The following RABGAP1L variants were observed in gnomAD, a reference collection of about 807,000 sequenced individuals.
RABGAP1L encodes the protein rab GTPase-activating protein 1-like.
RABGAP1L carries 63 observed loss-of-function variants against 137.7 expected under a neutral mutation model. That is an observed-to-expected ratio of 0.46 (90% CI 0.37 to 0.56). The LOEUF (loss-of-function observed/expected upper bound fraction) is 0.56. RABGAP1L is among the 20% of genes least tolerant of loss of function. RABGAP1L has a pLI of 0.00. For synonymous variants in RABGAP1L, 431 were observed against 433.7 expected (o/e 0.99, Z 0.08); for missense variants, 1,095 against 1,244.0 (o/e 0.88, Z 1.80).
chr1:174,699,458 G>A, intron 15 of RABGAP1L, 67 bp from the exon 16 acceptor site: 2 of 1,479,026 alleles, frequency 1.4e-6, no homozygotes, highest in Non-Finnish European at 1.8e-6. Flanking sequence ...ATAACATGAA[G>A]GAACTTTTTT....
chr1:174,227,199 C>CTTT (rs71117559), intron 3 of RABGAP1L, among the ~76,000 whole-genome samples: 1 of 133,810 alleles, frequency 7.5e-6, no homozygotes, highest in African/African-American at 2.7e-5. Context: ...TGACCATTTA[C>CTTT]TTTTTTTTTT....
chr1:174,600,722 C>T (rs1670341621), intron 13 of RABGAP1L, among the ~76,000 whole-genome samples: 1 of 152,222 alleles, frequency 6.6e-6, no homozygotes, highest in African/African-American at 2.4e-5. Context: ...ACCCCTGTGG[C>T]TTTGCAGAGT....
intron 21 of RABGAP1L, among the ~76,000 whole-genome samples, chr1:174,973,889 G>A (rs1307269406): frequency 6.6e-6 from 1 of 151,898 alleles, no homozygotes; most frequent in Non-Finnish European, 1.5e-5. Flanking sequence ...AAACATTCTG[G>A]GGTAGAACTT....
At chr1:174,615,492 G>T (rs139155942) in intron 13 of RABGAP1L, among the ~76,000 whole-genome samples, 509 of 152,292 alleles carry the variant, frequency 3.3e-3, no homozygotes, top group Admixed American at 7.8e-3. Context: ...CCTACTTGGG[G>T]GTGCCTCCCA....
chr1:174,219,424 C>G, intron 2 of RABGAP1L, 129 bp downstream of exon 2: 1 of 622,782 alleles, frequency 1.6e-6, no homozygotes, highest in African/African-American at 1.9e-5. Flanking sequence ...TTGATTTATC[C>G]AGACCCTAAT....
intron 12 of RABGAP1L, among the ~76,000 whole-genome samples, chr1:174,378,038 TG>T (rs1388600624): frequency 2.8e-5 from 4 of 143,778 alleles, no homozygotes; most frequent in African/African-American, 8.1e-5. Context: ...ATGCGGTGTT[TG>T]GTTTTTTGTT....
intron 18 of RABGAP1L, among the ~76,000 whole-genome samples, chr1:174,773,163 G>GGTGTGTGTGTGTGTGTGTGTGTGTGTGT (rs9286899): frequency 1.3e-4 from 20 of 149,548 alleles, no homozygotes; most frequent in Non-Finnish European, 2.5e-4. Flanking sequence ...TAAGCTATGG[G>GGTGTGTGTGTGTGTGTGTGTGTGTGTGT]GTGTGTGTGT....
chr1:174,975,084 A>G (rs931390889), intron 21 of RABGAP1L, among the ~76,000 whole-genome samples: 5 of 152,254 alleles, frequency 3.3e-5, no homozygotes, highest in Non-Finnish European at 7.3e-5. Context: ...TGCATCTGCA[A>G]TGATTTAGCC....
intron 13 of RABGAP1L, among the ~76,000 whole-genome samples, chr1:174,451,319 A>G (rs1228522008): frequency 1.3e-5 from 2 of 152,234 alleles, no homozygotes; most frequent in African/African-American, 2.4e-5. Context: ...AGGTATAAAT[A>G]TAGTTAGAAA....
intron 1 of RABGAP1L, among the ~76,000 whole-genome samples, chr1:174,169,882 C>G (rs1039886312): frequency 1.1e-4 from 16 of 152,132 alleles, no homozygotes; most frequent in African/African-American, 3.6e-4. Context: ...GGGAGTCTCC[C>G]TATGTTGCCC....
At chr1:174,764,107 C>T (rs188596068) in intron 18 of RABGAP1L, among the ~76,000 whole-genome samples, 15 of 152,208 alleles carry the variant, frequency 9.9e-5, no homozygotes, top group Admixed American at 9.2e-4. Flanking sequence ...ATAATGTTTT[C>T]AACGTTTATC....
chr1:174,672,994 A>C (rs1430411227), intron 14 of RABGAP1L, among the ~76,000 whole-genome samples: 3 of 152,146 alleles, frequency 2.0e-5, no homozygotes, highest in Non-Finnish European at 4.4e-5. Flanking sequence ...ATAGGATTCG[A>C]ACTTTTCCAT....
At chr1:174,635,205 G>C (rs556474737) in intron 13 of RABGAP1L, among the ~76,000 whole-genome samples, 1 of 152,168 alleles carries the variant, frequency 6.6e-6, no homozygotes, top group African/African-American at 2.4e-5. Flanking sequence ...TGCATAATCA[G>C]TTCCTAGGGA....
chr1:174,972,808 C>T (rs985245895), intron 21 of RABGAP1L, among the ~76,000 whole-genome samples: 1 of 135,874 alleles, frequency 7.4e-6, no homozygotes. Context: ...GAGCCAAGAT[C>T]GCACCATTGT....
chr1:174,545,711 C>G (rs1015529602), intron 13 of RABGAP1L: 2 of 152,692 alleles, frequency 1.3e-5, no homozygotes, highest in African/African-American at 4.8e-5. Context: ...TTTTGGCCAT[C>G]TTGGAACCTC....
At chr1:174,345,857 TCA>T (rs1682380184) in intron 11 of RABGAP1L, among the ~76,000 whole-genome samples, 1 of 152,208 alleles carries the variant, frequency 6.6e-6, no homozygotes, top group Non-Finnish European at 1.5e-5. Context: ...TTTCACCCAT[TCA>T]CAGTGATACT....
intron 13 of RABGAP1L, among the ~76,000 whole-genome samples, chr1:174,597,638 C>T (rs1194164862): frequency 1.3e-5 from 2 of 151,578 alleles, no homozygotes; most frequent in African/African-American, 2.4e-5. Context: ...ATTTTGTTTT[C>T]AAAAAACTTT....
At chr1:174,282,953 A>G (rs187293942) in intron 10 of RABGAP1L, among the ~76,000 whole-genome samples, 1 of 152,324 alleles carries the variant, frequency 6.6e-6, no homozygotes, top group East Asian at 1.9e-4. Context: ...ATTGAACTCT[A>G]TGTGAGTACC....
intron 13 of RABGAP1L, among the ~76,000 whole-genome samples, chr1:174,568,835 A>G (rs1263686034): frequency 6.6e-6 from 1 of 152,216 alleles, no homozygotes; most frequent in Non-Finnish European, 1.5e-5. Flanking sequence ...GGGATTTGGA[A>G]AAGAATAGAT....
Sources: allele counts gnomAD v4.1 joint callset (sites outside exome capture counted in the v4.1 genomes callset), GRCh38; gene constraint gnomAD v4.1.1; transcripts MANE v1.5; gene names NCBI Gene and HGNC (gene_info 2026-07-23, HGNC 2026-07-21).